Variants in CADM4 observed in about 807,000 individuals in gnomAD.
The protein encoded by CADM4 is cell adhesion molecule 4, also known as TSLC1-like 2.
Under a neutral mutation model 43.9 loss-of-function variants are expected in CADM4, and 13 were observed. That is an observed-to-expected ratio of 0.30 (90% CI 0.19 to 0.47). The LOEUF (loss-of-function observed/expected upper bound fraction) is 0.47. Ranked by LOEUF, CADM4 falls within the 20% of genes least tolerant of loss-of-function variation. The pLI is 1.00. For synonymous variants in CADM4, 209 were observed against 220.9 expected, an observed-to-expected ratio of 0.95 and a Z score of 0.48; for missense variants, 420 against 527.0, an observed-to-expected ratio of 0.80 and a Z score of 1.99.
At chr19:43,624,001 G>T in intron 8 of CADM4, 113 bp downstream of exon 8, 2 of 1,364,798 alleles carry the variant, frequency 1.5e-6, no homozygotes, top group Non-Finnish European at 1.0e-6. Context: ...GGTGCGGCGG[G>T]ATTTGGAATC....
Position 43,625,160 on chromosome 19 carries a change from T to C in CADM4, c.846A>G (p.Val282=). 1 of 1,613,918 alleles carries C rather than the reference T, an allele frequency of 6.2e-7. No homozygotes were observed. The highest frequency in any genetic ancestry group is 8.5e-7 in the Non-Finnish European group (1 of 1,179,838). The change falls in exon 7 of 9, where the codon GTA becomes GTG. Residue 282 remains valine (V), a synonymous_variant. Coordinates refer to ENST00000222374, the MANE Select transcript of CADM4 (RefSeq NM_145296.2). The surrounding 1 kb of genome is among the most constrained non-coding windows in gnomAD (Gnocchi z 4.5). The part of the protein sequence containing the change: ...VGETLTLPGL[V]SADNGTYTCE... ...AAGTGTAGGTGCCGTTATCCGCGGATACCAGACCCGGCAGCGTGAGCGTCT... is the reference window on the plus strand; with the variant it reads ...AAGTGTAGGTGCCGTTATCCGCGGACACCAGACCCGGCAGCGTGAGCGTCT...
In CADM4 at chr19:43,625,273, G is replaced by C; in HGVS notation, c.756-23C>G. 1.9e-6 allele frequency: 3 copies of C among 1,600,006 alleles called. No homozygotes were observed. Among genetic ancestry groups the C allele is most frequent in the Non-Finnish European group, 2.6e-6 (3 of 1,170,998 alleles). ...GGCCTGGGTGGGGATAAAGTATAGT[G>C]AGAGTTAGGAACCGAGGTGCCAGCA... On this transcript the variant is annotated intron_variant, in intron 6 of 8. Transcript: ENST00000222374. The surrounding 1 kb of genome is among the most constrained non-coding windows in gnomAD (Gnocchi z 4.5).
At chr19:43,632,333 C>T (rs1973637450) in intron 1 of CADM4, among the ~76,000 whole-genome samples, 1 of 152,194 alleles carries the variant, frequency 6.6e-6, no homozygotes, top group South Asian at 2.1e-4. Context: ...CACCTGGACT[C>T]TGCAAAAGCC....
intron 1 of CADM4, among the ~76,000 whole-genome samples, chr19:43,628,372 T>C (rs1973565219): frequency 6.6e-6 from 1 of 151,374 alleles, no homozygotes; most frequent in Non-Finnish European, 1.5e-5. Flanking sequence ...GAGTTGGAAG[T>C]TGCAGTGAGC....
At position 43,627,295 on chromosome 19, in the gene CADM4, G is replaced by C. The variant is rs1973545555; in HGVS notation, c.235C>G (p.Leu79Val). Residue 79 changes from leucine to valine, a missense_variant, in exon 3 of 9, where the codon CTT becomes GTT. Coordinates refer to ENST00000222374, the MANE Select transcript of CADM4 (RefSeq NM_145296.2). This position sits in a 1 kb window ranked among gnomAD's most constrained non-coding sequence, Gnocchi z 4.0. ...TRALKDERFQ[L>V]EEFSPRRVRI... ...ACCCGGCGTGGGGAGAACTCCTCAAGCTGGAAACGCTCATCCTTCAAGGCT... is the reference window on the plus strand; with the variant it reads ...ACCCGGCGTGGGGAGAACTCCTCAACCTGGAAACGCTCATCCTTCAAGGCT... 1.2e-6 allele frequency: 2 copies of C among 1,603,694 alleles called. No individual in the cohort carries two copies. Among genetic ancestry groups the C allele is most frequent in the Non-Finnish European group, 1.7e-6 (2 of 1,174,546 alleles).
chr19:43,639,826 G>A lies in CADM4; in HGVS notation c.-36C>T. 1.0e-6 allele frequency: 1 copy of A among 989,962 alleles called. No individual in the cohort carries two copies. Among genetic ancestry groups the A allele is most frequent in the Non-Finnish European group, 1.2e-6 (1 of 837,200 alleles). 61.3% of individuals were successfully genotyped at this position (989,962 alleles called of 1,614,324 possible). On this transcript the variant is annotated 5_prime_UTR_variant, in exon 1 of 9. Transcript: ENST00000222374. ...CCGCCGCCGCCGCCGCTCGCTCCCG[G>A]CCCGGCACCTGCACCGCCCGCGCCG...
rs1973508835 is a variant in CADM4, at chr19:43,625,486, C to A, written c.756-236G>T. On this transcript the variant is annotated intron_variant, in intron 6 of 8. Coordinates refer to ENST00000222374, the MANE Select transcript of CADM4 (RefSeq NM_145296.2). This position sits in a 1 kb window ranked among gnomAD's most constrained non-coding sequence, Gnocchi z 4.5. ...TGGTGGCTTATGCCTGCAATCCCAG[C>A]ACTTTAGGAGGCTGAGACGGGAGGA... Among the ~76,000 whole-genome samples, 1 of 152,198 alleles carries A rather than the reference C, an allele frequency of 6.6e-6. No individual in the cohort carries two copies. Among genetic ancestry groups the A allele is most frequent in the African/African-American group, 2.4e-5 (1 of 41,440 alleles).
chr19:43,627,998 G>T lies in CADM4; in HGVS notation c.65-208C>A, dbSNP rs1973557312. ...AAAGAGCTGCAGTCAAGATTTAGTAGAATATGCTCTAATGAGGGCAGCACA... is the reference window on the plus strand; with the variant it reads ...AAAGAGCTGCAGTCAAGATTTAGTATAATATGCTCTAATGAGGGCAGCACA... On this transcript the variant is annotated intron_variant, in intron 1 of 8. Coordinates refer to ENST00000222374, the MANE Select transcript of CADM4 (RefSeq NM_145296.2). This position sits in a 1 kb window ranked among gnomAD's most constrained non-coding sequence, Gnocchi z 4.0. Among the ~76,000 whole-genome samples, 1 of 152,134 alleles carries T rather than the reference G, an allele frequency of 6.6e-6. No homozygotes were observed. Among genetic ancestry groups the T allele is most frequent in the South Asian group, 2.1e-4 (1 of 4,832 alleles).
chr19:43,627,676 G>A lies in CADM4; in HGVS notation c.179C>T (p.Ala60Val), dbSNP rs1973551858. The A allele has an allele frequency of 6.2e-7, 1 of 1,613,962 alleles. No individual in the cohort carries two copies. The highest frequency in any genetic ancestry group is 1.3e-5 in the African/African-American group (1 of 75,006). ...DGSIVVIQNPARQTLFFNGTR... is the reference protein window; with the variant it reads ...DGSIVVIQNPVRQTLFFNGTR... Reference sequence around the variant, plus strand: ...GCCATTGAAGAAGAGGGTCTGCCGGGCTGGGTTCTGGATGACAACTATGGA... The same window carrying A: ...GCCATTGAAGAAGAGGGTCTGCCGGACTGGGTTCTGGATGACAACTATGGA... Residue 60 changes from alanine to valine, a missense_variant, in exon 2 of 9, where the codon GCC (alanine) becomes GTC (valine). Ala to Val is a moderately conservative substitution (Grantham distance 64, BLOSUM62 0). Transcript: ENST00000222374. The surrounding 1 kb of genome is among the most constrained non-coding windows in gnomAD (Gnocchi z 4.0).
At chr19:43,629,146 A>C (rs1453793172) in intron 1 of CADM4, among the ~76,000 whole-genome samples, 1 of 152,030 alleles carries the variant, frequency 6.6e-6, no homozygotes, top group African/African-American at 2.4e-5. Flanking sequence ...GAAGAGAAAC[A>C]CCTCTTGCAG....
At chr19:43,624,610 T>C (rs892631472) in intron 7 of CADM4, among the ~76,000 whole-genome samples, 1 of 152,184 alleles carries the variant, frequency 6.6e-6, no homozygotes, top group South Asian at 2.1e-4. Context: ...CAGCCATCCC[T>C]TTTCTTTTGA....
chr19:43,639,503 A>G (rs1293398002), intron 1 of CADM4, among the ~76,000 whole-genome samples: 1 of 149,616 alleles, frequency 6.7e-6, no homozygotes, highest in Non-Finnish European at 1.5e-5. Context: ...GCCGGGATCC[A>G]GCCTGCGCGG....
chr19:43,626,643 G>C lies in CADM4; in HGVS notation c.499+141C>G, dbSNP rs1464974990. 1 of 1,154,216 alleles carries C rather than the reference G, an allele frequency of 8.7e-7. No homozygotes were observed. 71.5% of individuals were successfully genotyped at this position (1,154,216 alleles called of 1,614,324 possible). ...CTCCCAAAGTGCTAGGACTACAGGC[G>C]TGAGCCACCGCGCTCGACATCAACC... On this transcript the variant is annotated intron_variant, in intron 4 of 8. Coordinates refer to ENST00000222374, the MANE Select transcript of CADM4 (RefSeq NM_145296.2). This position sits in a 1 kb window ranked among gnomAD's most constrained non-coding sequence, Gnocchi z 5.9.
chr19:43,622,739 C>T lies in CADM4; in HGVS notation c.*591G>A, dbSNP rs1973457560. On this transcript the variant is annotated 3_prime_UTR_variant, in exon 9 of 9. Transcript: ENST00000222374. ...GGTAGAGAGAAGGGGAGCCCAGGAA[C>T]CTGGGGAAGGGGGATTGGAGAAAAG... 2 of 152,596 alleles carry T rather than the reference C, an allele frequency of 1.3e-5. No homozygotes were observed. Among genetic ancestry groups the T allele is most frequent in the African/African-American group, 4.8e-5 (2 of 41,322 alleles). 9.5% of individuals were successfully genotyped at this position (152,596 alleles called of 1,614,324 possible).
intron 1 of CADM4, among the ~76,000 whole-genome samples, chr19:43,633,950 C>T (rs1262945654): frequency 6.6e-6 from 1 of 151,996 alleles, no homozygotes; most frequent in Non-Finnish European, 1.5e-5. Flanking sequence ...CCTGCCTTGG[C>T]CTCCCAAAGT....
At chr19:43,633,662 CTCTCTTTCTT>C (rs1227741896) in intron 1 of CADM4, among the ~76,000 whole-genome samples, 4 of 148,434 alleles carry the variant, frequency 2.7e-5, no homozygotes, top group East Asian at 3.9e-4. Flanking sequence ...CTCTTTCTCT[CTCTCTTTCTT>C]TCTCTTTCTT....
intron 1 of CADM4, among the ~76,000 whole-genome samples, chr19:43,638,743 G>C (rs1973733724): frequency 6.6e-6 from 1 of 152,240 alleles, no homozygotes; most frequent in African/African-American, 2.4e-5. Context: ...GCAGGGTTTG[G>C]AGAGGCATTC....
Position 43,625,068 on chromosome 19 carries a change from C to T in CADM4, c.928+10G>A. Reference sequence around the variant, plus strand: ...GCCCCCGCCCTCAGTCGGCCGCAGCCTGCTCTCACCGTAGACCACAAGTAC... The same window carrying T: ...GCCCCCGCCCTCAGTCGGCCGCAGCTTGCTCTCACCGTAGACCACAAGTAC... On this transcript the variant is annotated intron_variant, in intron 7 of 8. Coordinates refer to ENST00000222374, the MANE Select transcript of CADM4 (RefSeq NM_145296.2). The surrounding 1 kb of genome is among the most constrained non-coding windows in gnomAD (Gnocchi z 4.5). 1 of 1,576,794 alleles carries T rather than the reference C, an allele frequency of 6.3e-7. No homozygotes were observed. The highest frequency in any genetic ancestry group is 8.6e-7 in the Non-Finnish European group (1 of 1,162,940).
Position 43,623,369 on chromosome 19 carries a change from G to A in CADM4, c.1128C>T (p.Gly376=), listed in dbSNP as rs776166752. The change falls in exon 9 of 9, where the codon GGC becomes GGT. Residue 376 remains glycine, a synonymous_variant. Coordinates refer to ENST00000222374, the MANE Select transcript of CADM4 (RefSeq NM_145296.2). This position sits in a 1 kb window ranked among gnomAD's most constrained non-coding sequence, Gnocchi z 4.4. ...QGEAREAFLN[G]SDGHKRKEEF... ...CCTCTTTCCTCTTGTGTCCGTCGCT[G>A]CCATTGAGGAAGGCTTCTCTTGCTT... 2 of 1,614,114 alleles carry A rather than the reference G, an allele frequency of 1.2e-6. No homozygotes were observed. The highest frequency in any genetic ancestry group is 2.2e-5 in the South Asian group (2 of 91,090).
Sources: allele counts gnomAD v4.1 joint callset (sites outside exome capture counted in the v4.1 genomes callset), GRCh38; gene constraint gnomAD v4.1.1; non-coding constraint Gnocchi (gnomAD v3.1); transcripts MANE v1.5; gene names NCBI Gene and HGNC (gene_info 2026-07-23, HGNC 2026-07-21).